Variants in PSMF1 observed in about 807,000 individuals in gnomAD.
The protein encoded by PSMF1 is proteasome inhibitor PI31 subunit.
In PSMF1, 30 loss-of-function variants were observed where a neutral mutation model predicts 29.3. The observed-to-expected ratio is 1.02, with a 90% CI of 0.77 to 1.39. PSMF1 has a LOEUF of 1.39. Among genes scored for constraint, PSMF1 ranks in the 40% most tolerant of loss-of-function variants. The probability of loss-of-function intolerance (pLI) is 0.00; values close to 1 mark genes in which losing one functional copy is unlikely to be tolerated. For missense variants in PSMF1, 344 were observed against 357.5 expected, an observed-to-expected ratio of 0.96 and a Z score of 0.31; for synonymous variants, 134 against 139.7, an observed-to-expected ratio of 0.96 and a Z score of 0.29.
intron 3 of PSMF1, among the ~76,000 whole-genome samples, chr20:1,127,854 A>G (rs1016262867): frequency 6.6e-6 from 1 of 152,196 alleles, no homozygotes; most frequent in Non-Finnish European, 1.5e-5. Flanking sequence ...ATTTAAAAAA[A>G]AATTATTTTC....
chr20:1,119,042 C>A, intron 1 of PSMF1, 140 bp downstream of exon 1: 1 of 1,231,802 alleles, frequency 8.1e-7, no homozygotes, highest in Non-Finnish European at 1.1e-6. Flanking sequence ...GTTGGTAAAA[C>A]CTGCGGGTCG....
intron 4 of PSMF1, among the ~76,000 whole-genome samples, chr20:1,160,052 T>C (rs1248637781): frequency 6.6e-6 from 1 of 152,092 alleles, no homozygotes; most frequent in Non-Finnish European, 1.5e-5. Flanking sequence ...ATACTAAATA[T>C]TTGTGTTGTA....
At chr20:1,153,343 A>G (rs1485967209) in intron 4 of PSMF1, among the ~76,000 whole-genome samples, 1 of 152,094 alleles carries the variant, frequency 6.6e-6, no homozygotes, top group Non-Finnish European at 1.5e-5. Context: ...TGCGGTTATA[A>G]GACTAAGGTC....
intron 2 of PSMF1, 38 bp from the exon 3 acceptor site, chr20:1,127,388 A>G: frequency 1.3e-6 from 2 of 1,492,466 alleles, no homozygotes; most frequent in Non-Finnish European, 1.9e-6. Context: ...TTAGCCAGAA[A>G]TATCCCAGTC....
intron 4 of PSMF1, among the ~76,000 whole-genome samples, chr20:1,145,835 C>T (rs780445832): frequency 6.6e-6 from 1 of 152,130 alleles, no homozygotes; most frequent in Admixed American, 6.5e-5. Context: ...CAAGTCCTGC[C>T]CCAACCTGGT....
rs6074204 is a variant in PSMF1, at chr20:1,164,373, C to T, written c.661C>T (p.Leu221Phe). Residue 221 changes from leucine (L) to phenylalanine (F), a missense_variant, in exon 6 of 7, where the codon CTT becomes TTT. By Grantham distance (22) the Leu-to-Phe change is conservative. Transcript: ENST00000335877. The surrounding 1 kb of genome is among the most constrained non-coding windows in gnomAD (Gnocchi z 4.1). ...DPLRSGFPRA[L>F]IDPSSGLPNR... Reference sequence around the variant, plus strand: ...CCTGAGATCTGGCTTCCCAAGAGCACTTATTGACCCTTCCTCAGGCCTCCC... The same window carrying T: ...CCTGAGATCTGGCTTCCCAAGAGCATTTATTGACCCTTCCTCAGGCCTCCC... 6.2e-7 allele frequency: 1 copy of T among 1,614,024 alleles called. No homozygotes were observed. The highest frequency in any genetic ancestry group is 8.5e-7 in the Non-Finnish European group (1 of 1,179,922).
chr20:1,156,553 T>A (rs2086596830), intron 4 of PSMF1, among the ~76,000 whole-genome samples: 1 of 152,192 alleles, frequency 6.6e-6, no homozygotes, highest in Non-Finnish European at 1.5e-5. Context: ...AGAATTTGAA[T>A]GGTTACGAAT....
chr20:1,145,584 C>T (rs958732894), intron 4 of PSMF1, among the ~76,000 whole-genome samples: 27 of 152,088 alleles, frequency 1.8e-4, no homozygotes, highest in African/African-American at 6.3e-4. Flanking sequence ...AGGCAGGGGT[C>T]GTTAAGTGGG....
intron 2 of PSMF1, among the ~76,000 whole-genome samples, chr20:1,126,550 G>T (rs2086159558): frequency 6.6e-6 from 1 of 152,018 alleles, no homozygotes; most frequent in Non-Finnish European, 1.5e-5. Context: ...AAAACCTCTT[G>T]GGTTAGTTTA....
At chr20:1,158,324 T>C (rs2086620431) in intron 4 of PSMF1, among the ~76,000 whole-genome samples, 1 of 152,204 alleles carries the variant, frequency 6.6e-6, no homozygotes, top group South Asian at 2.1e-4. Flanking sequence ...CTTTAACAAA[T>C]CTGTTCACCT....
In PSMF1 at chr20:1,166,271, G is replaced by A; in HGVS notation, c.*1191G>A. 6.2e-7 allele frequency: 1 copy of A among 1,611,660 alleles called. No individual in the cohort carries two copies. Among genetic ancestry groups the A allele is most frequent in the Non-Finnish European group, 8.5e-7 (1 of 1,179,186 alleles). On this transcript the variant is annotated 3_prime_UTR_variant, in exon 7 of 7. Coordinates refer to ENST00000335877, the MANE Select transcript of PSMF1 (RefSeq NM_006814.5). ...GGGCAGTGATGAGCCCTGTTCTGGA[G>A]TGGAAAGAGCACGATAGAGCACCAG...
intron 4 of PSMF1, among the ~76,000 whole-genome samples, chr20:1,140,914 A>G (rs1021888422): frequency 2.6e-5 from 4 of 152,258 alleles, no homozygotes; most frequent in Non-Finnish European, 4.4e-5. Context: ...ATTATTTGCA[A>G]TAGCCAAAAA....
At chr20:1,155,277 TCTC>T (rs538336637) in intron 4 of PSMF1, among the ~76,000 whole-genome samples, 165 of 152,142 alleles carry the variant, frequency 1.1e-3, no homozygotes, top group African/African-American at 3.8e-3. Flanking sequence ...GTGGGAAAAA[TCTC>T]CTGTGTTTCT....
rs14581 is a variant in PSMF1, at chr20:1,167,075, T to A, written c.*1995T>A. ...GATTCACCTTCAGAATTGGCCATTT[T>A]TTTTGTGAGTTTCCTTGCATCAAGG... On this transcript the variant is annotated 3_prime_UTR_variant, in exon 7 of 7. Transcript: ENST00000335877. The A allele has an allele frequency of 6.6e-6, 1 of 152,256 alleles. No individual in the cohort carries two copies. The highest frequency in any genetic ancestry group is 6.5e-5 in the Admixed American group (1 of 15,292). The allele number at this position is 152,256 out of a possible 1,614,324, so 9.4% of individuals were successfully genotyped here.
intron 3 of PSMF1, among the ~76,000 whole-genome samples, chr20:1,131,298 C>G (rs2086225936): frequency 1.3e-5 from 2 of 152,162 alleles, no homozygotes; most frequent in Non-Finnish European, 2.9e-5. Context: ...GTGATCCTGT[C>G]TCTATTTGTT....
At position 1,165,122 on chromosome 20, in the gene PSMF1, C is replaced by T. The variant is rs762239459; in HGVS notation, c.*42C>T. 3.1e-6 allele frequency: 5 copies of T among 1,614,084 alleles called. No homozygotes were observed. The highest frequency in any genetic ancestry group is 4.2e-6 in the Non-Finnish European group (5 of 1,179,952). On this transcript the variant is annotated 3_prime_UTR_variant, in exon 7 of 7. Transcript: ENST00000335877. ...ACATCCCAGGCTTCCCTCCATTCTC[C>T]TGGAGCTGCCACCGCTGTCCCCATC...
At chr20:1,129,926 T>C (rs1455327146) in intron 3 of PSMF1, among the ~76,000 whole-genome samples, 3 of 152,240 alleles carry the variant, frequency 2.0e-5, no homozygotes, top group South Asian at 2.1e-4. Context: ...AGCTTGGCTG[T>C]CCATTGATAA....
At chr20:1,133,569 A>ATATATATTTTTTTTTTTTTTTT in intron 3 of PSMF1, among the ~76,000 whole-genome samples, 1 of 53,304 alleles carries the variant, frequency 1.9e-5, no homozygotes, top group South Asian at 6.8e-4. Flanking sequence ...ATATATATAT[A>ATATATATTTTTTTTTTTTTTTT]TTTTTTTTTT....
intron 4 of PSMF1, among the ~76,000 whole-genome samples, chr20:1,156,703 A>C (rs1463955013): frequency 6.6e-6 from 1 of 152,224 alleles, no homozygotes; most frequent in Non-Finnish European, 1.5e-5. Flanking sequence ...ATTATTAAGA[A>C]TATCTTAACA....
Sources: gnomAD v4.1 joint callset for allele counts (sites outside exome capture counted in the v4.1 genomes callset) on GRCh38, gnomAD v4.1.1 for gene constraint, Gnocchi (gnomAD v3.1) non-coding constraint, MANE v1.5 for transcripts, NCBI Gene and HGNC (gene_info 2026-07-23, HGNC 2026-07-21) for gene names.